The following AURKA variants were observed in gnomAD, a reference collection of about 807,000 sequenced individuals.
AURKA encodes the protein aurora 2.
Under a neutral mutation model 40.9 loss-of-function variants are expected in AURKA, and 12 were observed. The ratio of observed to expected loss-of-function variants is 0.29; its 90% confidence interval spans 0.19 to 0.48. The LOEUF (loss-of-function observed/expected upper bound fraction) is 0.48. AURKA is among the 20% of genes least tolerant of loss of function. The pLI is 0.99. For missense variants in AURKA, 322 were observed against 462.1 expected, an observed-to-expected ratio of 0.70 and a Z score of 2.78; for synonymous variants, 170 against 164.3, an observed-to-expected ratio of 1.03 and a Z score of -0.26.
intron 3 of AURKA, 62 bp downstream of exon 3, chr20:56,386,195 C>T (rs1986333872): frequency 6.3e-7 from 1 of 1,597,770 alleles, no homozygotes; most frequent in Non-Finnish European, 8.6e-7. Flanking sequence ...AGTATATACA[C>T]TGGCTTTTTT....
Position 56,374,831 on chromosome 20 carries a change from T to C in AURKA, c.706-1275A>G, listed in dbSNP as rs572386159. Among the ~76,000 whole-genome samples, 226 of 152,302 alleles carry C rather than the reference T, an allele frequency of 1.5e-3. 1 individual carries two copies. The highest frequency in any genetic ancestry group is 5.2e-3 in the African/African-American group (216 of 41,574). Reference sequence around the variant, plus strand: ...GGGAGGCCAAGACAGGTGGATCACCTGAAGTCAGGAGTTCGAGACCGGCCT... The same window carrying C: ...GGGAGGCCAAGACAGGTGGATCACCCGAAGTCAGGAGTTCGAGACCGGCCT... On this transcript the variant is annotated intron_variant, in intron 6 of 8. Coordinates refer to ENST00000395915, the MANE Select transcript of AURKA (RefSeq NM_198437.3).
At position 56,381,583 on chromosome 20, in the gene AURKA, G is replaced by A; in HGVS notation, c.567-12C>T. 6.2e-7 allele frequency: 1 copy of A among 1,613,114 alleles called. No homozygotes were observed. Reference sequence around the variant, plus strand: ...GAATATTAGGATGCCTGCAACAAAGGATAAACATTCTAACACTTGGTTTGG... The same window carrying A: ...GAATATTAGGATGCCTGCAACAAAGAATAAACATTCTAACACTTGGTTTGG... On this transcript the variant is annotated splice_polypyrimidine_tract_variant and intron_variant, in intron 5 of 8. Coordinates refer to ENST00000395915, the MANE Select transcript of AURKA (RefSeq NM_198437.3).
At position 56,386,384 on chromosome 20, in the gene AURKA, A is replaced by G; in HGVS notation, c.192T>C (p.Leu64=). 1 of 1,614,100 alleles carries G rather than the reference A, an allele frequency of 6.2e-7. No homozygotes were observed. The highest frequency in any genetic ancestry group is 8.5e-7 in the Non-Finnish European group (1 of 1,180,010). Residue 64 remains leucine, a synonymous_variant, in exon 3 of 9, where the codon CTT becomes CTC. Coordinates refer to ENST00000395915, the MANE Select transcript of AURKA (RefSeq NM_198437.3). ...TCTGAACCGGCTTGTGACTGGAGAC[A>G]AGCTTTTGTGCTTGCAAAGGAATGC... is the stretch of plus-strand genomic sequence containing the variant. ...SQRIPLQAQK[L]VSSHKPVQNQ... is the part of the protein sequence containing the mutation.
chr20:56,380,628 C>T (rs781446578), intron 6 of AURKA, among the ~76,000 whole-genome samples: 4 of 152,100 alleles, frequency 2.6e-5, no homozygotes, highest in East Asian at 1.9e-4. Context: ...AAATACAGCA[C>T]GGAAAGGGGA....
Position 56,388,210 on chromosome 20 carries a change from G to T in AURKA, c.-5-8C>A, listed in dbSNP as rs200767850. On this transcript the variant is annotated splice_region_variant and splice_polypyrimidine_tract_variant and intron_variant, in intron 1 of 8. Transcript: ENST00000395915. ...TAGATCGGTCCATGATGCCTGAAAA[G>T]AAAAAGAAGAACCTTTAATTTGAAC... 8.4e-5 allele frequency: 87 copies of T among 1,035,164 alleles called. No homozygotes were observed. Among genetic ancestry groups the T allele is most frequent in the Non-Finnish European group, 9.9e-5 (86 of 864,512 alleles). The allele number at this position is 1,035,164 out of a possible 1,614,324, so 64.1% of individuals were successfully genotyped here.
intron 6 of AURKA, among the ~76,000 whole-genome samples, chr20:56,377,436 A>G (rs950846213): frequency 1.3e-5 from 2 of 152,018 alleles, no homozygotes; most frequent in African/African-American, 2.4e-5. Context: ...AAAAAAAAAG[A>G]GCAAAAGATT....
intron 1 of AURKA, among the ~76,000 whole-genome samples, chr20:56,391,628 G>A (rs1377154886): frequency 1.3e-5 from 2 of 152,078 alleles, no homozygotes; most frequent in Non-Finnish European, 2.9e-5. Flanking sequence ...AGTACGGACC[G>A]GGAAGGCCTC....
At chr20:56,384,819 C>A (rs1221110521) in intron 3 of AURKA, among the ~76,000 whole-genome samples, 1 of 152,180 alleles carries the variant, frequency 6.6e-6, no homozygotes, top group Non-Finnish European at 1.5e-5. Context: ...ATAAAAGCCA[C>A]CAATTCAGCA....
At chr20:56,376,436 T>G (rs547128603) in intron 6 of AURKA, among the ~76,000 whole-genome samples, 2 of 152,208 alleles carry the variant, frequency 1.3e-5, no homozygotes, top group Non-Finnish European at 2.9e-5. Context: ...ATTAAGTCTT[T>G]AAAACAGCAT....
chr20:56,376,259 T>C (rs1322363063), intron 6 of AURKA, among the ~76,000 whole-genome samples: 2 of 152,182 alleles, frequency 1.3e-5, no homozygotes, highest in Non-Finnish European at 2.9e-5. Flanking sequence ...GTCACTACCA[T>C]TAATGAGCAT....
intron 1 of AURKA, chr20:56,390,703 A>G (rs550372435): frequency 2.6e-5 from 4 of 152,306 alleles, no homozygotes; most frequent in South Asian, 2.1e-4. Context: ...CCATTTTACA[A>G]TTAAGCAAAT....
chr20:56,372,019 C>G (rs1227769711), intron 7 of AURKA, among the ~76,000 whole-genome samples: 4 of 152,184 alleles, frequency 2.6e-5, no homozygotes, highest in Non-Finnish European at 5.9e-5. Context: ...CATCAACTAC[C>G]AATTCCGCAT....
At chr20:56,390,136 T>G (rs890173502) in intron 1 of AURKA, among the ~76,000 whole-genome samples, 2 of 152,176 alleles carry the variant, frequency 1.3e-5, no homozygotes, top group Middle Eastern at 3.2e-3. Context: ...TCACAGAACA[T>G]GGACCCTAAC....
chr20:56,390,168 T>C (rs1986891612), intron 1 of AURKA, among the ~76,000 whole-genome samples: 1 of 152,170 alleles, frequency 6.6e-6, no homozygotes, highest in South Asian at 2.1e-4. Context: ...CTTCATCTCC[T>C]CTTCTTGTCA....
At chr20:56,387,030 G>A (rs894454000) in intron 2 of AURKA, among the ~76,000 whole-genome samples, 13 of 152,090 alleles carry the variant, frequency 8.5e-5, no homozygotes, top group Non-Finnish European at 1.5e-4. Flanking sequence ...TCCACAATAA[G>A]CTTATTACTG....
chr20:56,390,278 T>G (rs752273562), intron 1 of AURKA, among the ~76,000 whole-genome samples: 25 of 151,908 alleles, frequency 1.6e-4, no homozygotes, highest in Non-Finnish European at 3.5e-4. Context: ...CCCCCAGGTG[T>G]GTAGTTCAGT....
intron 2 of AURKA, among the ~76,000 whole-genome samples, chr20:56,387,270 A>G (rs376290116): frequency 1.2e-3 from 178 of 152,254 alleles, no homozygotes; most frequent in African/African-American, 4.1e-3. Flanking sequence ...TCTCTGCCTC[A>G]GCCTCCCAAG....
At chr20:56,377,093 C>A (rs1282118417) in intron 6 of AURKA, among the ~76,000 whole-genome samples, 1 of 151,934 alleles carries the variant, frequency 6.6e-6, no homozygotes, top group Non-Finnish European at 1.5e-5. Flanking sequence ...TCAAAAAAAA[C>A]AACCTGGGCA....
intron 1 of AURKA, among the ~76,000 whole-genome samples, chr20:56,391,526 ATTCTGAT>A (rs1332502078): frequency 1.3e-5 from 2 of 152,090 alleles, no homozygotes; most frequent in African/African-American, 4.8e-5. Context: ...CCCCTCAGAG[ATTCTGAT>A]TTACCGGGCT....
Sources: allele counts gnomAD v4.1 joint callset (sites outside exome capture counted in the v4.1 genomes callset), GRCh38; gene constraint gnomAD v4.1.1; transcripts MANE v1.5; gene names NCBI Gene and HGNC (gene_info 2026-07-23, HGNC 2026-07-21).